Variants in TLL2 observed in about 807,000 individuals in gnomAD.
The protein encoded by TLL2 is tolloid like 2.
In TLL2, 106 loss-of-function variants were observed where a neutral mutation model predicts 123.0. The observed-to-expected ratio is 0.86, with a 90% confidence interval of 0.74 to 1.01. The LOEUF (loss-of-function observed/expected upper bound fraction) is 1.01, where lower values mean the gene tolerates loss of function less well. Among genes scored for constraint, TLL2 ranks in the 50% least tolerant of loss-of-function variants. TLL2 has a pLI of 0.00. For synonymous variants in TLL2, 494 were observed against 516.8 expected, an observed-to-expected ratio of 0.96 and a Z score of 0.60; for missense variants, 1,332 against 1,336.7, an observed-to-expected ratio of 1.00 and a Z score of 0.06.
chr10:96,373,743 C>G lies in TLL2; in HGVS notation c.2515G>C (p.Gly839Arg), dbSNP rs141213956. The G allele has an allele frequency of 1.9e-6, 3 of 1,614,222 alleles. No homozygotes were observed. Among genetic ancestry groups the G allele is most frequent in the South Asian group, 2.2e-5 (2 of 91,078 alleles). The change falls in exon 19 of 21, where the codon GGG (glycine) becomes CGG (arginine). Residue 839 changes from glycine to arginine, a missense_variant. Physicochemically the swap from Gly to Arg is moderately radical, Grantham distance 125. Transcript: ENST00000357947. ...AGAATGGGGGCCAGGCTGTCCGGCC[C>G]GTCATACATTTCCAGGTGGTCATAG... is the stretch of plus-strand genomic sequence containing the variant. ...CAYDHLEMYDGPDSLAPILGR... is the reference protein window; with the variant it reads ...CAYDHLEMYDRPDSLAPILGR...
chr10:96,432,671 G>C lies in TLL2; in HGVS notation c.520+136C>G, dbSNP rs936680290. The C allele has an allele frequency of 4.5e-6, 5 of 1,114,308 alleles. No individual in the cohort carries two copies. In the Admixed American group the frequency reaches 7.9e-5, roughly 18 times the overall value. The allele number at this position is 1,114,308 out of a possible 1,614,324, so 69.0% of individuals were successfully genotyped here. A position where few individuals can be genotyped will look rare whatever the true frequency, so the allele number is the denominator to read the frequency against. The stretch of plus-strand genomic sequence containing the variant: ...GGTGGGCCAGGACTTGCCGGCAAGA[G>C]GGGGGCATCATCTGTAGGCCTGCTG... On this transcript the variant is annotated intron_variant, in intron 4 of 20. Transcript: ENST00000357947.
At chr10:96,476,240 A>ATATATATATATATATATATTCTTTT in intron 2 of TLL2, among the ~76,000 whole-genome samples, 3 of 20,482 alleles carry the variant, frequency 1.5e-4, no homozygotes, top group Non-Finnish European at 3.0e-4. Flanking sequence ...ATATATATAT[A>ATATATATATATATATATATTCTTTT]TTTTATTTTT....
At chr10:96,455,212 G>A (rs143892424) in intron 2 of TLL2, among the ~76,000 whole-genome samples, 2,013 of 151,994 alleles carry the variant, frequency 0.013, 23 homozygotes, top group Non-Finnish European at 0.021. Flanking sequence ...CTGGGTGACA[G>A]AGTGAGACTC....
intron 1 of TLL2, among the ~76,000 whole-genome samples, chr10:96,484,939 T>C (rs1229690512): frequency 6.6e-6 from 1 of 152,230 alleles, no homozygotes; most frequent in African/African-American, 2.4e-5. Flanking sequence ...CCATCCACGC[T>C]GTCCATATTG....
chr10:96,484,494 C>T (rs1847339260), intron 1 of TLL2, among the ~76,000 whole-genome samples: 2 of 151,992 alleles, frequency 1.3e-5, no homozygotes, highest in Non-Finnish European at 1.5e-5. Context: ...ACATATTACT[C>T]AACCTCACTG....
Position 96,387,004 on chromosome 10 carries a change from A to G in TLL2, c.1801T>C (p.Cys601Arg). Reference protein sequence around the residue: ...RCVNTLGSYKCACDPGYELAA... With the variant: ...RCVNTLGSYKRACDPGYELAA... Reference sequence around the variant, plus strand: ...AGCTCGTAGCCAGGGTCACAGGCACACTTGTAGCTGCCCAGCGTGTTCACA... The same window carrying G: ...AGCTCGTAGCCAGGGTCACAGGCACGCTTGTAGCTGCCCAGCGTGTTCACA... The change falls in exon 14 of 21, where the codon TGT becomes CGT. Residue 601 changes from cysteine (C) to arginine (R), a missense_variant. Physicochemically the swap from Cys to Arg is radical, Grantham distance 180. Transcript: ENST00000357947. 2 of 1,614,114 alleles carry G rather than the reference A, an allele frequency of 1.2e-6. No homozygotes were observed. The highest frequency in any genetic ancestry group is 1.7e-6 in the Non-Finnish European group (2 of 1,180,036).
rs77214658 is a variant in TLL2, at chr10:96,428,424, G to A, written c.638+207C>T. On this transcript the variant is annotated intron_variant, in intron 5 of 20. Transcript: ENST00000357947. ...TGCTCTTCTAGTGCCAGTACCCCTG[G>A]TCTTCATGGAGTCTCCTGGAATCTT... 4.4e-4 allele frequency among the ~76,000 whole-genome samples: 67 copies of A among 152,244 alleles called. 2 individuals carry two copies. The East Asian group carries it at 0.01, about 23-fold the overall frequency.
intron 2 of TLL2, among the ~76,000 whole-genome samples, chr10:96,479,865 C>T (rs985861048): frequency 4.6e-5 from 7 of 152,234 alleles, no homozygotes; most frequent in Non-Finnish European, 1.5e-5. Context: ...AAAGACTCTC[C>T]TTCCACCTGA....
intron 7 of TLL2, among the ~76,000 whole-genome samples, chr10:96,415,167 C>T (rs1317022983): frequency 6.6e-6 from 1 of 152,214 alleles, no homozygotes; most frequent in African/African-American, 2.4e-5. Flanking sequence ...CCTCTCCAGC[C>T]TGACTCTTTA....
At chr10:96,390,552 C>T (rs114477640) in intron 13 of TLL2, among the ~76,000 whole-genome samples, 3,191 of 152,342 alleles carry the variant, frequency 0.021, 126 homozygotes, top group African/African-American at 0.073. Flanking sequence ...CAGGATCAGG[C>T]GCCAGCTGGG....
intron 1 of TLL2, among the ~76,000 whole-genome samples, chr10:96,505,266 A>G (rs1847568666): frequency 6.6e-6 from 1 of 152,168 alleles, no homozygotes; most frequent in African/African-American, 2.4e-5. Context: ...GCTCACCATC[A>G]CGAGAACAGC....
intron 2 of TLL2, among the ~76,000 whole-genome samples, chr10:96,461,937 C>T (rs138550289): frequency 2.1e-4 from 32 of 152,308 alleles, no homozygotes; most frequent in South Asian, 8.3e-4. Flanking sequence ...CCCTATAAGA[C>T]GCTCTACTCC....
intron 1 of TLL2, among the ~76,000 whole-genome samples, chr10:96,490,914 A>C (rs1847405829): frequency 6.6e-6 from 1 of 152,144 alleles, no homozygotes; most frequent in African/African-American, 2.4e-5. Context: ...TGCACCCTGG[A>C]GTTTGAGAAG....
In TLL2 at chr10:96,397,383, T is replaced by C. The variant is rs1589411620; in HGVS notation, c.1268-81A>G. The C allele has an allele frequency of 3.6e-6, 4 of 1,103,956 alleles. No homozygotes were observed. The East Asian group carries it at 7.4e-5, about 20-fold the overall frequency. 68.4% of individuals were successfully genotyped at this position (1,103,956 alleles called of 1,614,324 possible). On this transcript the variant is annotated intron_variant, in intron 10 of 20. Coordinates refer to ENST00000357947, the MANE Select transcript of TLL2 (RefSeq NM_012465.4). ...GCTTCAGGCTAGGAGGAAGCTGAGG[T>C]TCTTCACACGTGGTTTGAAGTGAGC...
At chr10:96,489,930 T>C (rs1847394714) in intron 1 of TLL2, among the ~76,000 whole-genome samples, 1 of 152,012 alleles carries the variant, frequency 6.6e-6, no homozygotes. Context: ...CACCTGTCTC[T>C]ACTAAAAATA....
At chr10:96,374,807 G>T (rs1176735086) in intron 18 of TLL2, among the ~76,000 whole-genome samples, 1 of 152,162 alleles carries the variant, frequency 6.6e-6, no homozygotes, top group Non-Finnish European at 1.5e-5. Flanking sequence ...ACCATTCCAG[G>T]CTTTTCAGCC....
chr10:96,502,713 G>A (rs1417628097), intron 1 of TLL2, among the ~76,000 whole-genome samples: 1 of 152,070 alleles, frequency 6.6e-6, no homozygotes, highest in African/African-American at 2.4e-5. Context: ...CTGAAAAAGA[G>A]TTAAGAAGGA....
chr10:96,479,831 C>G (rs914571967), intron 2 of TLL2, among the ~76,000 whole-genome samples: 2 of 152,170 alleles, frequency 1.3e-5, no homozygotes, highest in African/African-American at 4.8e-5. Context: ...TAAGGAGAGT[C>G]CCCCCATACT....
At chr10:96,464,814 A>G (rs911355418) in intron 2 of TLL2, among the ~76,000 whole-genome samples, 31 of 152,390 alleles carry the variant, frequency 2.0e-4, no homozygotes, top group African/African-American at 6.0e-4. Flanking sequence ...AATATACCCC[A>G]AAATAAAGTT....
Sources: allele counts gnomAD v4.1 joint callset (sites outside exome capture counted in the v4.1 genomes callset), GRCh38; gene constraint gnomAD v4.1.1; transcripts MANE v1.5; gene names NCBI Gene and HGNC (gene_info 2026-07-23, HGNC 2026-07-21).